Variants in MYCBP2 observed in about 807,000 individuals in gnomAD.
MYCBP2 encodes the protein MYC binding protein 2.
A neutral mutation model predicts 525.3 loss-of-function variants in MYCBP2; 120 were observed. The observed-to-expected ratio is 0.23, with a 90% CI of 0.20 to 0.27. MYCBP2 has a LOEUF of 0.27. Ranked by LOEUF, MYCBP2 falls within the 10% of genes least tolerant of loss-of-function variation. The probability of loss-of-function intolerance (pLI) is 1.00; values close to 1 mark genes in which losing one functional copy is unlikely to be tolerated. For synonymous variants in MYCBP2, 1,894 were observed against 1,955.8 expected (o/e 0.97, Z 0.83); for missense variants, 4,149 against 5,657.1 (o/e 0.73, Z 8.55).
At chr13:77,237,847 CTTTAA>C (rs1309153164) in intron 17 of MYCBP2, among the ~76,000 whole-genome samples, 58 of 152,168 alleles carry the variant, frequency 3.8e-4, no homozygotes, top group African/African-American at 1.4e-3. Context: ...TCATATAATA[CTTTAA>C]TTTAAAAAGA....
intron 40 of MYCBP2, among the ~76,000 whole-genome samples, chr13:77,166,966 AAC>A (rs146476533): frequency 8.1e-6 from 1 of 123,880 alleles, no homozygotes; most frequent in Non-Finnish European, 1.6e-5. Flanking sequence ...TCAAAGACAA[AAC>A]ACACACATAC....
At chr13:77,318,874 C>T (rs954681168) in intron 1 of MYCBP2, among the ~76,000 whole-genome samples, 1 of 152,196 alleles carries the variant, frequency 6.6e-6, no homozygotes, top group Non-Finnish European at 1.5e-5. Flanking sequence ...TTTCCTGTTC[C>T]ACACTGATTT....
chr13:77,318,150 G>A (rs968153941), intron 1 of MYCBP2, among the ~76,000 whole-genome samples: 2 of 152,136 alleles, frequency 1.3e-5, no homozygotes, highest in African/African-American at 2.4e-5. Flanking sequence ...AATGAATCAT[G>A]GTCCTTTCCA....
chr13:77,192,109 A>C (rs2061350431), intron 27 of MYCBP2, among the ~76,000 whole-genome samples: 1 of 152,260 alleles, frequency 6.6e-6, no homozygotes, highest in Non-Finnish European at 1.5e-5. Context: ...ATTAAAAAAC[A>C]TTCAAATTTT....
intron 77 of MYCBP2, among the ~76,000 whole-genome samples, chr13:77,059,124 G>C (rs1405669210): frequency 6.7e-6 from 1 of 149,838 alleles, no homozygotes; most frequent in Non-Finnish European, 1.5e-5. Flanking sequence ...TATTAATTGA[G>C]AAACCAAAAA....
chr13:77,292,811 A>G (rs146029068), intron 2 of MYCBP2, among the ~76,000 whole-genome samples: 3,057 of 152,090 alleles, frequency 0.02, 55 homozygotes, highest in Middle Eastern at 0.075. Flanking sequence ...TACAAAAATT[A>G]GCTGGACGTG....
chr13:77,234,844 T>TAA (rs3038650), intron 17 of MYCBP2, among the ~76,000 whole-genome samples: 118,802 of 151,618 alleles, frequency 0.78, 46,875 homozygotes, highest in Middle Eastern at 0.87. Context: ...GTAATAATAT[T>TAA]GTTATATTAC....
At chr13:77,159,721 G>C (rs532070439) in intron 44 of MYCBP2, among the ~76,000 whole-genome samples, 18 of 152,136 alleles carry the variant, frequency 1.2e-4, no homozygotes, top group African/African-American at 4.3e-4. Context: ...TGCCATGATT[G>C]TAAGTTTCCT....
rs145635858 is a variant in MYCBP2 at position 77,068,880 on chromosome 13, T to C, written c.11905-49A>G. 9.6e-6 allele frequency: 15 copies of C among 1,557,340 alleles called. No individual in the cohort carries two copies. The East Asian group carries it at 3.4e-4, about 35-fold the overall frequency. On this transcript the variant is annotated intron_variant, in intron 69 of 82. Coordinates refer to ENST00000544440, the MANE Select transcript of MYCBP2 (RefSeq NM_015057.5). ...TGTAAAAATATAGGGTTAGTTTGATTTACTACTCCTAGCAAAACAAGCAAA... is the reference window on the plus strand; with the variant it reads ...TGTAAAAATATAGGGTTAGTTTGATCTACTACTCCTAGCAAAACAAGCAAA...
intron 37 of MYCBP2, among the ~76,000 whole-genome samples, chr13:77,173,207 A>G (rs2059308839): frequency 6.6e-6 from 1 of 152,252 alleles, no homozygotes; most frequent in African/African-American, 2.4e-5. Context: ...TGTAAAGCTA[A>G]GGGTATTTAA....
chr13:77,317,770 C>T (rs1400525565), intron 1 of MYCBP2, among the ~76,000 whole-genome samples: 2 of 152,066 alleles, frequency 1.3e-5, no homozygotes, highest in African/African-American at 4.8e-5. Context: ...AACCCCGTCT[C>T]TACTAAAAAC....
intron 18 of MYCBP2, among the ~76,000 whole-genome samples, 181 bp downstream of exon 18, chr13:77,232,971 AAAAC>A (rs2067334678): frequency 1.3e-5 from 2 of 152,240 alleles, no homozygotes; most frequent in African/African-American, 4.8e-5. Flanking sequence ...CGACAACAAA[AAAAC>A]AAGAAGCATG....
chr13:77,226,754 C>G lies in MYCBP2; in HGVS notation c.2738-1200G>C, dbSNP rs566851999. On this transcript the variant is annotated intron_variant, in intron 18 of 82. Transcript: ENST00000544440. ...TACATTATTACTTTCCTTTCCGTAA[C>G]TAAATGCCTATAATTTCAAGAAGAC... 2.6e-5 allele frequency among the ~76,000 whole-genome samples: 4 copies of G among 152,214 alleles called. No homozygotes were observed. In the South Asian group the frequency reaches 8.3e-4, roughly 32 times the overall value.
chr13:77,164,915 T>C (rs1818228596), intron 42 of MYCBP2, among the ~76,000 whole-genome samples: 1 of 152,212 alleles, frequency 6.6e-6, no homozygotes, highest in African/African-American at 2.4e-5. Context: ...ATAACTATAC[T>C]TCAAAGGCTG....
chr13:77,171,782 G>T, intron 37 of MYCBP2, 148 bp from the exon 38 acceptor site: 2 of 692,030 alleles, frequency 2.9e-6, no homozygotes, highest in Admixed American at 2.9e-5. Flanking sequence ...CAATAATAGG[G>T]AATGATAAGG....
At chr13:77,268,393 C>T (rs2074392559) in intron 7 of MYCBP2, among the ~76,000 whole-genome samples, 1 of 152,140 alleles carries the variant, frequency 6.6e-6, no homozygotes, top group South Asian at 2.1e-4. Flanking sequence ...TTAGATAAAA[C>T]ACAATAGAGT....
intron 34 of MYCBP2, 116 bp downstream of exon 34, chr13:77,180,011 G>T: frequency 1.4e-6 from 1 of 710,922 alleles, no homozygotes; most frequent in Non-Finnish European, 2.3e-6. Context: ...CAATGCATTG[G>T]GGTTGCTAAT....
chr13:77,239,060 C>T (rs563490310), intron 17 of MYCBP2, among the ~76,000 whole-genome samples: 5 of 152,102 alleles, frequency 3.3e-5, no homozygotes, highest in Admixed American at 3.3e-4. Context: ...GCGGAGGTTG[C>T]AGTGAGCCGA....
At chr13:77,247,349 A>G (rs2070220557) in intron 15 of MYCBP2, among the ~76,000 whole-genome samples, 1 of 152,244 alleles carries the variant, frequency 6.6e-6, no homozygotes, top group South Asian at 2.1e-4. Context: ...AAACAATTCC[A>G]TAGCATCAAA....
Sources: gnomAD v4.1 joint callset for allele counts (sites outside exome capture counted in the v4.1 genomes callset) on GRCh38, gnomAD v4.1.1 for gene constraint, MANE v1.5 for transcripts, NCBI Gene and HGNC (gene_info 2026-07-23, HGNC 2026-07-21) for gene names.